The following RAB3GAP1 variants were observed in gnomAD, a reference collection of about 807,000 sequenced individuals.
The protein encoded by RAB3GAP1 is RAB3 GTPase activating protein catalytic subunit 1.
Under a neutral mutation model 130.7 loss-of-function variants are expected in RAB3GAP1, and 86 were observed. The ratio of observed to expected loss-of-function variants is 0.66; its 90% CI spans 0.55 to 0.79. RAB3GAP1 has a LOEUF of 0.79. RAB3GAP1 is among the 30% of genes least tolerant of loss of function. The pLI, the probability that RAB3GAP1 is intolerant of heterozygous loss-of-function variation, is 0.00. For missense variants in RAB3GAP1, 1,029 were observed against 1,169.4 expected, an observed-to-expected ratio of 0.88 and a Z score of 1.75; for synonymous variants, 367 against 401.7, an observed-to-expected ratio of 0.91 and a Z score of 1.03.
intron 3 of RAB3GAP1, among the ~76,000 whole-genome samples, chr2:135,065,908 C>G (rs1431887904): frequency 6.6e-6 from 1 of 151,614 alleles, no homozygotes; most frequent in Non-Finnish European, 1.5e-5. Flanking sequence ...GTAGCTGGGA[C>G]TACAGGTGTG....
At position 135,112,830 on chromosome 2, in the gene RAB3GAP1, TCTCTCA is replaced by T. The variant is rs1445423458; in HGVS notation, c.363-319_363-314del. On this transcript the variant is annotated intron_variant, in intron 5 of 23. Transcript: ENST00000264158. ...AACTGTCAAAGTCTCTCTCTCTCTC[TCTCTCA>T]CACACACACACACACACACACACAC... Among the ~76,000 whole-genome samples, 1,757 of 127,746 alleles carry T rather than the reference TCTCTCA, an allele frequency of 0.014. 24 individuals are homozygous for T. Among genetic ancestry groups the T allele is most frequent in the African/African-American group, 0.061 (1,635 of 26,814 alleles). The allele number at this position is 127,746 out of a possible 152,430, so 83.8% of individuals were successfully genotyped here.
intron 17 of RAB3GAP1, among the ~76,000 whole-genome samples, chr2:135,146,112 C>A (rs1691983297): frequency 1.3e-5 from 2 of 151,034 alleles, no homozygotes; most frequent in African/African-American, 4.9e-5. Context: ...AAAAGTAAGT[C>A]AGAGTTTAGG....
intron 3 of RAB3GAP1, among the ~76,000 whole-genome samples, chr2:135,074,638 AG>A (rs2104846997): frequency 6.6e-6 from 1 of 152,270 alleles, no homozygotes; most frequent in Admixed American, 6.5e-5. Context: ...GTCCCCAAGC[AG>A]TCCCCAAGCA....
chr2:135,052,320 A>G lies in RAB3GAP1; in HGVS notation c.13A>G (p.Ser5Gly). The G allele has an allele frequency of 5.6e-6, 9 of 1,613,902 alleles. No individual in the cohort carries two copies. Among genetic ancestry groups the G allele is most frequent in the Non-Finnish European group, 7.6e-6 (9 of 1,180,018 alleles). MAAD[S>G]EPESEVFEIT... ...GGCGCTCCTCAAGATGGCTGCCGAC[A>G]GTGAGGTGATTTCTTTGCTCCCTAC... Residue 5 changes from serine to glycine, a missense_variant, in exon 1 of 24, where the codon AGT becomes GGT. Transcript: ENST00000264158.
At chr2:135,075,239 A>G (rs1689599182) in intron 3 of RAB3GAP1, among the ~76,000 whole-genome samples, 1 of 152,194 alleles carries the variant, frequency 6.6e-6, no homozygotes, top group Non-Finnish European at 1.5e-5. Context: ...TGAGTAACAA[A>G]TTCTTTCATT....
chr2:135,141,561 G>A (rs1328185220), intron 17 of RAB3GAP1, among the ~76,000 whole-genome samples: 2 of 151,930 alleles, frequency 1.3e-5, no homozygotes, highest in Non-Finnish European at 1.5e-5. Flanking sequence ...TTGAAGAGGT[G>A]TTCTTAATTT....
chr2:135,069,935 C>T (rs1000559354), intron 3 of RAB3GAP1, among the ~76,000 whole-genome samples: 3 of 152,172 alleles, frequency 2.0e-5, no homozygotes, highest in Non-Finnish European at 2.9e-5. Flanking sequence ...AATTATCCAT[C>T]AGAAAGAGTC....
At chr2:135,111,287 T>C (rs1690795031) in intron 5 of RAB3GAP1, among the ~76,000 whole-genome samples, 1 of 152,054 alleles carries the variant, frequency 6.6e-6, no homozygotes, top group African/African-American at 2.4e-5. Flanking sequence ...TCATAAGTTA[T>C]TTTCTTTATT....
At chr2:135,083,667 G>T (rs1402257787) in intron 3 of RAB3GAP1, among the ~76,000 whole-genome samples, 1 of 145,026 alleles carries the variant, frequency 6.9e-6, no homozygotes, top group Non-Finnish European at 1.5e-5. Context: ...GAGTGTCATT[G>T]TTACTCAGGC....
At chr2:135,173,529 G>A (rs542440913), downstream of RAB3GAP1, among the ~76,000 whole-genome samples, 1 of 152,166 alleles carries the variant, frequency 6.6e-6, no homozygotes, top group African/African-American at 2.4e-5. Flanking sequence ...TCTATGCAGA[G>A]GAGCAAATGC....
chr2:135,058,160 T>G, intron 3 of RAB3GAP1, 74 bp downstream of exon 3: 1 of 1,222,918 alleles, frequency 8.2e-7, no homozygotes, highest in Non-Finnish European at 1.2e-6. Context: ...TTTGCTGCAT[T>G]TGGCACATTT....
chr2:135,099,085 C>T (rs1163934050), intron 5 of RAB3GAP1, among the ~76,000 whole-genome samples: 1 of 151,688 alleles, frequency 6.6e-6, no homozygotes, highest in Non-Finnish European at 1.5e-5. Context: ...GCTAGGGCTT[C>T]CAGTAAAATA....
At chr2:135,129,460 AAAAAT>A (rs1258468397) in intron 11 of RAB3GAP1, among the ~76,000 whole-genome samples, 1 of 151,458 alleles carries the variant, frequency 6.6e-6, no homozygotes, top group African/African-American at 2.4e-5. Flanking sequence ...TCAAAAAAAA[AAAAAT>A]AAAATAAATA....
intron 23 of RAB3GAP1, chr2:135,165,159 A>C (rs1692599856): frequency 4.4e-6 from 2 of 456,480 alleles, no homozygotes; most frequent in Non-Finnish European, 8.8e-6. Context: ...GGTTTCCTAG[A>C]AAAGAAGAGG....
intron 6 of RAB3GAP1, among the ~76,000 whole-genome samples, chr2:135,113,732 C>T (rs567894648): frequency 6.6e-6 from 1 of 151,972 alleles, no homozygotes; most frequent in South Asian, 2.1e-4. Context: ...CTCATTTTTG[C>T]TCAAATAAAA....
chr2:135,148,668 CTTTTTTT>C (rs60407802), intron 17 of RAB3GAP1, among the ~76,000 whole-genome samples: 2 of 113,108 alleles, frequency 1.8e-5, no homozygotes, highest in East Asian at 2.6e-4. Flanking sequence ...ATTTTTGTAT[CTTTTTTT>C]TTTTTTTTTT....
At chr2:135,090,082 A>G (rs1339196753) in intron 3 of RAB3GAP1, among the ~76,000 whole-genome samples, 6 of 152,192 alleles carry the variant, frequency 3.9e-5, no homozygotes, top group African/African-American at 1.4e-4. Context: ...AACTTAAAGT[A>G]TAATAAAAAG....
At chr2:135,109,130 C>T (rs1226050165) in intron 5 of RAB3GAP1, among the ~76,000 whole-genome samples, 2 of 150,776 alleles carry the variant, frequency 1.3e-5, no homozygotes, top group African/African-American at 5.0e-5. Context: ...CTTTCTTCTT[C>T]TTCAATATTT....
intron 3 of RAB3GAP1, among the ~76,000 whole-genome samples, chr2:135,085,936 G>A (rs1490854396): frequency 6.6e-6 from 1 of 152,084 alleles, no homozygotes; most frequent in Non-Finnish European, 1.5e-5. Context: ...CAATCCCAGA[G>A]GTAACCACAG....
Sources: allele counts gnomAD v4.1 joint callset (sites outside exome capture counted in the v4.1 genomes callset), GRCh38; gene constraint gnomAD v4.1.1; transcripts MANE v1.5; gene names NCBI Gene and HGNC (gene_info 2026-07-23, HGNC 2026-07-21).